CEP112: variants seen among roughly 807,000 people sequenced by gnomAD.
CEP112 encodes the protein centrosomal protein of 112 kDa.
CEP112 carries 127 observed loss-of-function variants against 153.0 expected under a neutral mutation model. That is an observed-to-expected ratio of 0.83 (90% confidence interval 0.72 to 0.96). The LOEUF is 0.96. Among genes scored for constraint, CEP112 ranks in the 40% least tolerant of loss-of-function variants. CEP112 has a pLI of 0.00. For synonymous variants in CEP112, 358 were observed against 374.4 expected (o/e 0.96, Z 0.51); for missense variants, 1,089 against 1,101.2 (o/e 0.99, Z 0.16).
intron 20 of CEP112, among the ~76,000 whole-genome samples, chr17:65,865,519 C>A (rs985085935): frequency 6.6e-6 from 1 of 152,236 alleles, no homozygotes; most frequent in African/African-American, 2.4e-5. Context: ...CAACCTAGTG[C>A]ACCACCCACA....
chr17:66,164,360 C>T (rs1406037201), intron 4 of CEP112, among the ~76,000 whole-genome samples: 1 of 148,576 alleles, frequency 6.7e-6, no homozygotes, highest in Non-Finnish European at 1.5e-5. Context: ...GAGTTGGAGC[C>T]CACCCTGGCC....
intron 18 of CEP112, among the ~76,000 whole-genome samples, chr17:65,944,712 CTG>C (rs1460984535): frequency 1.3e-5 from 2 of 151,974 alleles, no homozygotes; most frequent in Non-Finnish European, 2.9e-5. Context: ...ACCTCAACCT[CTG>C]GAGTAACTGG....
chr17:66,116,102 A>G (rs1429753339), intron 6 of CEP112, among the ~76,000 whole-genome samples: 1 of 152,226 alleles, frequency 6.6e-6, no homozygotes, highest in African/African-American at 2.4e-5. Flanking sequence ...ACCCAGCTAC[A>G]AGACAAGGGA....
intron 24 of CEP112, among the ~76,000 whole-genome samples, chr17:65,654,359 T>C (rs1222564490): frequency 6.6e-6 from 1 of 152,202 alleles, no homozygotes; most frequent in Non-Finnish European, 1.5e-5. Context: ...TCAATATCAT[T>C]TCCTCTTCAC....
chr17:65,969,836 TCA>T (rs1222761968), intron 17 of CEP112, among the ~76,000 whole-genome samples: 2 of 54,946 alleles, frequency 3.6e-5, no homozygotes, highest in East Asian at 9.1e-3. Flanking sequence ...TACAAGCATA[TCA>T]TCTATATATA....
intron 18 of CEP112, among the ~76,000 whole-genome samples, chr17:65,932,386 A>T (rs1691519169): frequency 6.6e-6 from 1 of 152,232 alleles, no homozygotes; most frequent in African/African-American, 2.4e-5. Flanking sequence ...CCACAAAAAG[A>T]AACTAAGAGA....
intron 6 of CEP112, among the ~76,000 whole-genome samples, chr17:66,126,090 C>T (rs2069836656): frequency 6.6e-6 from 1 of 152,174 alleles, no homozygotes; most frequent in Non-Finnish European, 1.5e-5. Flanking sequence ...GGATGCTTAA[C>T]TTGTTTCATG....
At chr17:66,022,418 CTAGA>C (rs1285960143) in intron 16 of CEP112, among the ~76,000 whole-genome samples, 1 of 151,982 alleles carries the variant, frequency 6.6e-6, no homozygotes, top group African/African-American at 2.4e-5. Flanking sequence ...TTTTGAAATG[CTAGA>C]TAAAGGCCAG....
intron 17 of CEP112, among the ~76,000 whole-genome samples, chr17:65,964,737 G>A (rs1041065946): frequency 1.3e-5 from 2 of 152,124 alleles, no homozygotes; most frequent in African/African-American, 4.8e-5. Flanking sequence ...AGGCACTGGG[G>A]TTAGGCAGTG....
chr17:65,916,243 G>A (rs2060474197), intron 19 of CEP112, among the ~76,000 whole-genome samples: 1 of 146,244 alleles, frequency 6.8e-6, no homozygotes, highest in South Asian at 2.2e-4. Flanking sequence ...ATTATGTTTT[G>A]AAAAAGAGTG....
At chr17:66,028,524 C>A in intron 14 of CEP112, 119 bp from the exon 15 acceptor site, 2 of 451,650 alleles carry the variant, frequency 4.4e-6, no homozygotes, top group South Asian at 6.3e-5. Flanking sequence ...TTAAAATTAT[C>A]TAGAAATTTG....
Position 65,826,276 on chromosome 17 carries a change from G to A in CEP112, c.2394+25528C>T, listed in dbSNP as rs542638941. The A allele has an allele frequency of 3.7e-6, 6 of 1,614,038 alleles. No homozygotes were observed. The East Asian group carries it at 8.9e-5, about 24-fold the overall frequency. ...CTTGGTTTTCCTTGGCAGATGGATG[G>A]TCTAAACTCAGAGAAGCCCACATCT... On this transcript the variant is annotated intron_variant, in intron 21 of 26. Coordinates refer to ENST00000535342, the MANE Select transcript of CEP112 (RefSeq NM_001199165.4).
rs185104331 is a variant in CEP112, at chr17:65,730,705, T to C, written c.2607+12363A>G. Among the ~76,000 whole-genome samples, 8 of 151,990 alleles carry C rather than the reference T, an allele frequency of 5.3e-5. No individual in the cohort carries two copies. The East Asian group carries it at 1.6e-3, about 29-fold the overall frequency. On this transcript the variant is annotated intron_variant, in intron 23 of 26. Transcript: ENST00000535342. ...GTAATTTTATTCCTTGGGAAATTGA[T>C]TCCTGTAAGCTTTTAGGACAGTAAG...
chr17:65,957,136 T>C (rs1224599867), intron 18 of CEP112, among the ~76,000 whole-genome samples: 1 of 152,188 alleles, frequency 6.6e-6, no homozygotes, highest in Non-Finnish European at 1.5e-5. Flanking sequence ...GGACTGTGGT[T>C]GATGGAAGGT....
At chr17:66,175,357 TACA>T in intron 3 of CEP112, 141 bp from the exon 4 acceptor site, 1 of 583,106 alleles carries the variant, frequency 1.7e-6, no homozygotes, top group Non-Finnish European at 2.9e-6. Context: ...AAATTAAATG[TACA>T]TTGAATTATG....
chr17:65,884,279 T>C (rs969440483), intron 20 of CEP112, among the ~76,000 whole-genome samples: 3 of 152,132 alleles, frequency 2.0e-5, no homozygotes, highest in Non-Finnish European at 4.4e-5. Context: ...AAGATACAGA[T>C]AATTTGGTAA....
In CEP112 at chr17:65,752,041, TCCATC is replaced by T. The variant is rs796894515; in HGVS notation, c.2395-1322_2395-1318del. On this transcript the variant is annotated intron_variant, in intron 21 of 26. Transcript: ENST00000535342. ...ATCCATCCATCCATCCATCCATCCA[TCCATC>T]CATCCATCCATCCATCCATCATCTG... 4.4e-3 allele frequency among the ~76,000 whole-genome samples: 666 copies of T among 151,756 alleles called. 7 individuals carry two copies. The highest frequency in any genetic ancestry group is 0.015 in the African/African-American group (607 of 41,368).
At chr17:65,659,804 T>C (rs1321267523) in intron 24 of CEP112, among the ~76,000 whole-genome samples, 1 of 152,168 alleles carries the variant, frequency 6.6e-6, no homozygotes, top group Non-Finnish European at 1.5e-5. Context: ...ATAACTGACA[T>C]ATAATAGGCC....
intron 21 of CEP112, among the ~76,000 whole-genome samples, chr17:65,754,092 C>T (rs984989981): frequency 1.3e-5 from 2 of 152,070 alleles, no homozygotes; most frequent in African/African-American, 4.8e-5. Context: ...GGTGCAAGGC[C>T]TATGGAGAAG....
Sources: gnomAD v4.1 joint callset for allele counts (sites outside exome capture counted in the v4.1 genomes callset) on GRCh38, gnomAD v4.1.1 for gene constraint, MANE v1.5 for transcripts, NCBI Gene and HGNC (gene_info 2026-07-23, HGNC 2026-07-21) for gene names.